NUMA1: variants seen among roughly 807,000 people sequenced by gnomAD.
NUMA1 encodes SP-H antigen.
NUMA1 carries 62 observed loss-of-function variants against 237.1 expected under a neutral mutation model. The ratio of observed to expected loss-of-function variants is 0.26; its 90% CI spans 0.21 to 0.32. The LOEUF is 0.32. NUMA1 is among the 10% of genes least tolerant of loss of function. The pLI, the probability that NUMA1 is intolerant of heterozygous loss-of-function variation, is 1.00. For missense variants in NUMA1, 2,533 were observed against 2,666.5 expected (o/e 0.95, Z 1.10); for synonymous variants, 1,028 against 1,066.1 (o/e 0.96, Z 0.70).
intron 16 of NUMA1, among the ~76,000 whole-genome samples, chr11:72,011,474 G>C (rs1168656878): frequency 6.6e-6 from 1 of 152,220 alleles, no homozygotes; most frequent in Non-Finnish European, 1.5e-5. Flanking sequence ...TAGGGGAAAA[G>C]AGAGAACATA....
chr11:72,022,774 G>T (rs763750016), intron 6 of NUMA1, among the ~76,000 whole-genome samples: 3 of 151,966 alleles, frequency 2.0e-5, no homozygotes, highest in Admixed American at 2.0e-4. Flanking sequence ...GGTGATAGCC[G>T]AATGAGACCT....
rs75474690 is a variant in NUMA1, at chr11:72,026,874, T to C, written c.128+2331A>G. 8.5e-5 allele frequency among the ~76,000 whole-genome samples: 13 copies of C among 152,330 alleles called. No individual in the cohort carries two copies. The East Asian group carries it at 2.5e-3, about 29-fold the overall frequency. On this transcript the variant is annotated intron_variant, in intron 4 of 26. Transcript: ENST00000393695. ...CCTCCATTTCCCAAAAGGAAGCTGGTCTGCATTGTCCTGGATCTGAGATGG... is the reference window on the plus strand; with the variant it reads ...CCTCCATTTCCCAAAAGGAAGCTGGCCTGCATTGTCCTGGATCTGAGATGG...
intron 2 of NUMA1, chr11:72,041,057 C>T (rs951259475): frequency 5.9e-5 from 9 of 152,274 alleles, no homozygotes; most frequent in South Asian, 4.1e-4. Flanking sequence ...GAAAGTAACC[C>T]CACACACAAA....
intron 16 of NUMA1, among the ~76,000 whole-genome samples, chr11:72,012,047 C>T (rs1315568520): frequency 6.6e-6 from 1 of 152,172 alleles, no homozygotes; most frequent in Non-Finnish European, 1.5e-5. Flanking sequence ...TCCTCTTAGT[C>T]GGGTATCCTT....
intron 2 of NUMA1, among the ~76,000 whole-genome samples, chr11:72,061,466 C>T (rs983569421): frequency 1.4e-5 from 2 of 148,020 alleles, no homozygotes; most frequent in African/African-American, 2.5e-5. Context: ...CACTACTCTT[C>T]GTCTTCCTTG....
rs369801882 is a variant in NUMA1 at position 72,033,950 on chromosome 11, C to G, written c.42+1952G>C. Among the ~76,000 whole-genome samples, 18 of 152,254 alleles carry G rather than the reference C, an allele frequency of 1.2e-4. No individual in the cohort carries two copies. In the East Asian group the frequency reaches 3.3e-3, roughly 28 times the overall value. On this transcript the variant is annotated intron_variant, in intron 3 of 26. Coordinates refer to ENST00000393695, the MANE Select transcript of NUMA1 (RefSeq NM_006185.4). ...CCTGGGCAACTTAGCAAGACCCCAT[C>G]TCTACAAAAAGTTTTTTAAAATTAG... is the stretch of plus-strand genomic sequence containing the variant.
At chr11:72,018,328 G>A in intron 11 of NUMA1, 28 bp from the exon 12 acceptor site, 1 of 1,608,788 alleles carries the variant, frequency 6.2e-7, no homozygotes, top group South Asian at 1.1e-5. Context: ...AGTGAGAAGA[G>A]AGTATGGGTT....
chr11:72,010,704 G>C, intron 17 of NUMA1, 82 bp downstream of exon 17: 2 of 1,371,136 alleles, frequency 1.5e-6, no homozygotes, highest in Non-Finnish European at 2.0e-6. Context: ...CTTCTGCCCC[G>C]ACACCCCCCA....
At position 72,013,056 on chromosome 11, in the gene NUMA1, C is replaced by A; in HGVS notation, c.4447G>T (p.Val1483Leu). 2 of 1,614,218 alleles carry A rather than the reference C, an allele frequency of 1.2e-6. No individual in the cohort carries two copies. Among genetic ancestry groups the A allele is most frequent in the Non-Finnish European group, 1.7e-6 (2 of 1,180,034 alleles). The change falls in exon 15 of 27, where the codon GTA becomes TTA. Residue 1483 changes from valine (V) to leucine (L), a missense_variant. By Grantham distance (32) the Val-to-Leu change is conservative (BLOSUM62 1). Transcript: ENST00000393695. This position sits in a 1 kb window ranked among gnomAD's most constrained non-coding sequence, Gnocchi z 6.8. ...REKYVQELAA[V>L]RADAETRLAE... ...AGACGGGTCTCAGCATCAGCACGTA[C>A]GGCTGCCAACTCTTGGACATACTTC...
At chr11:72,074,743 T>C (rs1249123216) in intron 1 of NUMA1, among the ~76,000 whole-genome samples, 1 of 151,742 alleles carries the variant, frequency 6.6e-6, no homozygotes, top group Non-Finnish European at 1.5e-5. Context: ...TGTCTCAAAA[T>C]AACAAACAGG....
intron 4 of NUMA1, among the ~76,000 whole-genome samples, chr11:72,025,725 A>T (rs978765403): frequency 2.6e-5 from 4 of 152,154 alleles, no homozygotes; most frequent in African/African-American, 7.2e-5. Context: ...CATCCAAGCC[A>T]AGACTATGAG....
chr11:72,073,427 G>A (rs1211621950), intron 1 of NUMA1, among the ~76,000 whole-genome samples: 2 of 152,108 alleles, frequency 1.3e-5, no homozygotes, highest in Non-Finnish European at 2.9e-5. Flanking sequence ...GTCTTAAGCT[G>A]CATTAGTAGA....
chr11:72,064,282 C>T (rs896400854), intron 2 of NUMA1, among the ~76,000 whole-genome samples: 6 of 149,110 alleles, frequency 4.0e-5, no homozygotes, highest in Non-Finnish European at 8.9e-5. Context: ...ACATAGTAGA[C>T]TCCACTTCTA....
At chr11:72,018,584 C>G (rs779815924) in intron 10 of NUMA1, 71 bp from the exon 11 acceptor site, 8 of 1,326,074 alleles carry the variant, frequency 6.0e-6, no homozygotes, top group South Asian at 1.2e-5. Flanking sequence ...GTGCACAGAA[C>G]TATGTGCACA....
At chr11:72,046,475 C>T (rs1254025979) in intron 2 of NUMA1, among the ~76,000 whole-genome samples, 3 of 151,456 alleles carry the variant, frequency 2.0e-5, no homozygotes, top group Non-Finnish European at 4.4e-5. Context: ...ATCCTGGAGG[C>T]GGAGGTTGTG....
Position 72,017,860 on chromosome 11 carries a change from AGAGT to A in NUMA1, c.979-37_979-34del, listed in dbSNP as rs756483342. 8.2e-6 allele frequency: 12 copies of A among 1,465,206 alleles called. No homozygotes were observed. In the African/African-American group the frequency reaches 1.3e-4, roughly 16 times the overall value. 90.8% of individuals were successfully genotyped at this position (1,465,206 alleles called of 1,614,324 possible). On this transcript the variant is annotated intron_variant, in intron 12 of 26. Transcript: ENST00000393695. The stretch of plus-strand genomic sequence containing the variant: ...GGGCAAGTGAGAATCCCCATCACCC[AGAGT>A]CAACGCTGACCCCACCACTGCTGTC...
At chr11:72,022,700 T>C (rs188095100) in intron 6 of NUMA1, among the ~76,000 whole-genome samples, 1 of 151,944 alleles carries the variant, frequency 6.6e-6, no homozygotes, top group East Asian at 1.9e-4. Context: ...TTAGGTACCC[T>C]CTATAGGCCA....
At chr11:72,027,554 T>TA (rs56028530) in intron 4 of NUMA1, among the ~76,000 whole-genome samples, 130,585 of 150,684 alleles carry the variant, frequency 0.87, 57,128 homozygotes, top group Non-Finnish European at 0.94. Context: ...TCTATAAGAT[T>TA]AAAAAAAAAT....
intron 2 of NUMA1, among the ~76,000 whole-genome samples, chr11:72,060,754 C>T (rs1042580247): frequency 3.3e-5 from 5 of 152,002 alleles, no homozygotes; most frequent in African/African-American, 7.2e-5. Flanking sequence ...GAAGGCTTAG[C>T]GAGACCCCAT....
Sources: allele counts gnomAD v4.1 joint callset (sites outside exome capture counted in the v4.1 genomes callset), GRCh38; gene constraint gnomAD v4.1.1; non-coding constraint Gnocchi (gnomAD v3.1); transcripts MANE v1.5; gene names NCBI Gene and HGNC (gene_info 2026-07-23, HGNC 2026-07-21).